The following NRXN3 variants were observed in gnomAD, a reference collection of about 807,000 sequenced individuals.
NRXN3 encodes the protein neurexin 3.
A neutral mutation model predicts 137.6 loss-of-function variants in NRXN3; 32 were observed. The observed-to-expected ratio is 0.23, with a 90% CI of 0.18 to 0.31. The LOEUF (loss-of-function observed/expected upper bound fraction) is 0.31, where lower values mean the gene tolerates loss of function less well. Ranked by LOEUF, NRXN3 falls within the 10% of genes least tolerant of loss-of-function variation. NRXN3 has a pLI of 1.00. For missense variants in NRXN3, 1,574 were observed against 2,062.5 expected, an observed-to-expected ratio of 0.76 and a Z score of 4.59; for synonymous variants, 798 against 784.5, an observed-to-expected ratio of 1.02 and a Z score of -0.29.
intron 14 of NRXN3, among the ~76,000 whole-genome samples, chr14:78,987,522 T>C (rs200788541): frequency 1.3e-5 from 1 of 74,788 alleles, no homozygotes; most frequent in Non-Finnish European, 3.4e-5. Context: ...AAATCCTCCT[T>C]CTTCTCCTTC....
At chr14:79,549,782 T>G (rs2097356124) in intron 16 of NRXN3, among the ~76,000 whole-genome samples, 1 of 152,246 alleles carries the variant, frequency 6.6e-6, no homozygotes, top group South Asian at 2.1e-4. Context: ...TATGACCTAT[T>G]TAGTGGCCCA....
At chr14:79,788,370 A>C (rs1330936103) in intron 19 of NRXN3, among the ~76,000 whole-genome samples, 1 of 152,186 alleles carries the variant, frequency 6.6e-6, no homozygotes, top group East Asian at 1.9e-4. Context: ...ACATTTCCTG[A>C]GTACCTGCTA....
chr14:79,785,281 C>T (rs2099126081), intron 19 of NRXN3, among the ~76,000 whole-genome samples: 1 of 152,172 alleles, frequency 6.6e-6, no homozygotes, highest in African/African-American at 2.4e-5. Flanking sequence ...GTTTGTTAAG[C>T]AGCAAAGGTG....
At chr14:78,841,556 T>C (rs1301158510) in intron 10 of NRXN3, among the ~76,000 whole-genome samples, 1 of 152,134 alleles carries the variant, frequency 6.6e-6, no homozygotes, top group Non-Finnish European at 1.5e-5. Flanking sequence ...CTTATGATGA[T>C]GTTTTCCCAA....
At chr14:78,332,067 G>C (rs776668633) in intron 4 of NRXN3, among the ~76,000 whole-genome samples, 9 of 152,058 alleles carry the variant, frequency 5.9e-5, no homozygotes, top group Non-Finnish European at 1.0e-4. Context: ...GTGTGACTTT[G>C]GGCAAGTCAT....
In NRXN3 at chr14:78,221,942, G is replaced by A. The variant is rs184939685; in HGVS notation, c.-703-20449G>A. On this transcript the variant is annotated intron_variant, in intron 1 of 20. Transcript: ENST00000335750. ...GACTCCACCCATGCAGGCAGGAGGC[G>A]ACAGTGAGTGAATATTTCTGAACAG... Among the ~76,000 whole-genome samples the A allele has an allele frequency of 5.3e-5, 8 of 152,292 alleles. No homozygotes were observed. The East Asian group carries it at 1.5e-3, about 29-fold the overall frequency.
At chr14:78,622,833 A>G (rs575465145) in intron 4 of NRXN3, among the ~76,000 whole-genome samples, 7 of 152,230 alleles carry the variant, frequency 4.6e-5, no homozygotes, top group Non-Finnish European at 7.3e-5. Flanking sequence ...GCAAAGCAGA[A>G]GCTTTATCTT....
At chr14:79,226,239 A>G (rs2070843735) in intron 15 of NRXN3, among the ~76,000 whole-genome samples, 1 of 152,216 alleles carries the variant, frequency 6.6e-6, no homozygotes, top group Non-Finnish European at 1.5e-5. Context: ...AGCAAATGTC[A>G]ATTATAAGCA....
At chr14:79,166,193 G>A (rs2061267948) in intron 15 of NRXN3, among the ~76,000 whole-genome samples, 1 of 151,956 alleles carries the variant, frequency 6.6e-6, no homozygotes, top group Non-Finnish European at 1.5e-5. Context: ...CACATGCTAG[G>A]TGGTCTGAAA....
In NRXN3 at chr14:79,692,190, C is replaced by T. The variant is rs1206944417; in HGVS notation, c.3634C>T (p.Arg1212Cys). The part of the protein sequence containing the change: ...HYPTGNTDNE[R>C]FQMVKQKIPF... ...CTTTAAAGGCAACACTGATAATGAA[C>T]GCTTCCAAATGGTAAAACAGAAAAT... Residue 1212 changes from arginine (R) to cysteine (C), a missense_variant, in exon 18 of 21, where the codon CGC (arginine) becomes TGC (cysteine). By Grantham distance (180) the Arg-to-Cys change is radical (BLOSUM62 -3). This residue lies in a region of NRXN3 where 133 missense variants were observed against 241.8 expected (regional missense o/e 0.55). Transcript: ENST00000335750. 6 of 1,607,838 alleles carry T rather than the reference C, an allele frequency of 3.7e-6. No individual in the cohort carries two copies. Among genetic ancestry groups the T allele is most frequent in the South Asian group, 1.1e-5 (1 of 89,908 alleles).
chr14:79,119,535 G>C (rs559643862), intron 15 of NRXN3, among the ~76,000 whole-genome samples: 1 of 152,210 alleles, frequency 6.6e-6, no homozygotes, highest in East Asian at 1.9e-4. Context: ...CTATTAAAAA[G>C]ATATATTCTT....
At chr14:78,416,452 G>A (rs527467882) in intron 4 of NRXN3, among the ~76,000 whole-genome samples, 2 of 152,298 alleles carry the variant, frequency 1.3e-5, no homozygotes, top group Admixed American at 6.5e-5. Context: ...CCTTGGGTAA[G>A]GAGGGTGGCG....
intron 15 of NRXN3, among the ~76,000 whole-genome samples, chr14:79,078,278 G>A (rs1295913158): frequency 6.6e-6 from 1 of 152,120 alleles, no homozygotes; most frequent in Non-Finnish European, 1.5e-5. Context: ...TAGCTCACAA[G>A]ATAAAATAAA....
At chr14:79,445,409 G>A (rs571129288) in intron 15 of NRXN3, among the ~76,000 whole-genome samples, 7 of 152,186 alleles carry the variant, frequency 4.6e-5, no homozygotes, top group South Asian at 4.2e-4. Flanking sequence ...ACCTACTCTG[G>A]GCTAGATATT....
chr14:78,452,900 A>C (rs1267734444), intron 4 of NRXN3, among the ~76,000 whole-genome samples: 1 of 152,250 alleles, frequency 6.6e-6, no homozygotes, highest in Non-Finnish European at 1.5e-5. Flanking sequence ...AGTTTTCATT[A>C]GAAAAAAAAT....
intron 2 of NRXN3, among the ~76,000 whole-genome samples, chr14:78,272,787 G>A (rs935835709): frequency 1.1e-4 from 17 of 152,076 alleles, no homozygotes; most frequent in African/African-American, 4.1e-4. Context: ...AACCTCTCTA[G>A]GTCTTAGTTT....
intron 10 of NRXN3, among the ~76,000 whole-genome samples, chr14:78,937,707 A>G (rs2099344938): frequency 1.3e-5 from 2 of 152,248 alleles, no homozygotes; most frequent in Admixed American, 6.5e-5. Flanking sequence ...TTAGGACTAT[A>G]TAAGTGACAC....
At chr14:79,245,641 A>G (rs549152727) in intron 15 of NRXN3, among the ~76,000 whole-genome samples, 24 of 152,320 alleles carry the variant, frequency 1.6e-4, no homozygotes, top group African/African-American at 5.3e-4. Context: ...TGCCTGGAAC[A>G]TAATAAATCC....
intron 16 of NRXN3, among the ~76,000 whole-genome samples, chr14:79,637,192 A>C (rs1374784014): frequency 6.6e-6 from 1 of 152,174 alleles, no homozygotes; most frequent in African/African-American, 2.4e-5. Context: ...TATTATAATA[A>C]TGTTTACTTC....
Sources: allele counts gnomAD v4.1 joint callset (sites outside exome capture counted in the v4.1 genomes callset), GRCh38; gene constraint gnomAD v4.1.1; regional missense constraint gnomAD v4.1.1; transcripts MANE v1.5; gene names NCBI Gene and HGNC (gene_info 2026-07-23, HGNC 2026-07-21).